KLHL23: variants seen among roughly 807,000 people sequenced by gnomAD.
KLHL23 encodes the protein kelch-like protein 23.
KLHL23 carries 33 observed loss-of-function variants against 48.9 expected under a neutral mutation model. The observed-to-expected ratio is 0.67, with a 90% CI of 0.51 to 0.90. The LOEUF is 0.90. Ranked by LOEUF, KLHL23 falls within the 40% of genes least tolerant of loss-of-function variation. The pLI is 0.00. For missense variants in KLHL23, 608 were observed against 669.6 expected (o/e 0.91, Z 1.02); for synonymous variants, 234 against 231.6 (o/e 1.01, Z -0.09).
At position 169,750,875 on chromosome 2, in the gene KLHL23, T is replaced by A. The variant is rs1688956415; in HGVS notation, c.*1143T>A. The stretch of plus-strand genomic sequence containing the variant: ...CTCTTTATTCTTAAATATAGATACA[T>A]GTCTGCATATATGATTGAATTTTAG... On this transcript the variant is annotated 3_prime_UTR_variant, in exon 4 of 4. Transcript: ENST00000392647. 6.6e-6 allele frequency: 1 copy of A among 152,230 alleles called. No homozygotes were observed. The highest frequency in any genetic ancestry group is 2.1e-4 in the South Asian group (1 of 4,830). The allele number at this position is 152,230 out of a possible 1,614,324, so 9.4% of individuals were successfully genotyped here.
intron 1 of KLHL23, among the ~76,000 whole-genome samples, chr2:169,734,312 A>C (rs972605275): frequency 6.1e-5 from 9 of 147,270 alleles, no homozygotes; most frequent in African/African-American, 2.2e-4. Context: ...CGCCGGGCAG[A>C]GGGACGCGGG....
intron 2 of KLHL23, chr2:169,740,970 A>G (rs541661763): frequency 6.5e-6 from 1 of 154,476 alleles, no homozygotes; most frequent in African/African-American, 2.4e-5. Flanking sequence ...AATAACAGGC[A>G]TAGAGCTATC....
intron 3 of KLHL23, 105 bp downstream of exon 3, chr2:169,741,642 A>G (rs1688678173): frequency 1.5e-6 from 2 of 1,347,648 alleles, no homozygotes; most frequent in Non-Finnish European, 2.0e-6. Flanking sequence ...TTTATTGTAG[A>G]CTACACATGG....
rs1419351892 is a variant in KLHL23 at position 169,735,179 on chromosome 2, A to G, written c.165A>G (p.Leu55=). 1 of 1,611,152 alleles carries G rather than the reference A, an allele frequency of 6.2e-7. No homozygotes were observed. The highest frequency in any genetic ancestry group is 1.3e-5 in the African/African-American group (1 of 74,756). Reference sequence around the variant, plus strand: ...TTTTCCATTGTCACCGAGCCGTTTTAGCTGCTTGCAGCAATTATTTTAAGG... The same window carrying G: ...TTTTCCATTGTCACCGAGCCGTTTTGGCTGCTTGCAGCAATTATTTTAAGG... ...GIIFHCHRAV[L]AACSNYFKAM... is the part of the protein sequence containing the mutation. Residue 55 remains leucine, a synonymous_variant, in exon 2 of 4, where the codon TTA becomes TTG. Transcript: ENST00000392647. The surrounding 1 kb of genome is among the most constrained non-coding windows in gnomAD (Gnocchi z 4.5).
In KLHL23 at chr2:169,738,850, T is replaced by C. The variant is rs1443622914; in HGVS notation, c.1214-2535T>C. 6.8e-3 allele frequency among the ~76,000 whole-genome samples: 13 copies of C among 1,922 alleles called. 2 individuals carry two copies. Among genetic ancestry groups the C allele is most frequent in the Non-Finnish European group, 8.1e-3 (9 of 1,118 alleles). 1.3% of individuals were successfully genotyped at this position (1,922 alleles called of 152,430 possible). A position where few individuals can be genotyped will look rare whatever the true frequency, so the allele number is the denominator to read the frequency against. On this transcript the variant is annotated intron_variant, in intron 2 of 3. Transcript: ENST00000392647. ...TTCCTCCCCCTCCTCCCCCTCCCCT[T>C]CCTCACCCTCCCCTCTCTTCCCCCT...
chr2:169,736,852 G>T (rs530691130), intron 2 of KLHL23, among the ~76,000 whole-genome samples: 1 of 152,188 alleles, frequency 6.6e-6, no homozygotes, highest in Non-Finnish European at 1.5e-5. Context: ...TGGTGCTGAG[G>T]AGTTGTACAA....
intron 2 of KLHL23, among the ~76,000 whole-genome samples, chr2:169,740,715 TG>T (rs1688653420): frequency 6.7e-6 from 1 of 148,208 alleles, no homozygotes; most frequent in South Asian, 2.1e-4. Context: ...CCCAAAGTGC[TG>T]GGATTACAGG....
chr2:169,741,722 G>T (rs1402183205), intron 3 of KLHL23, among the ~76,000 whole-genome samples, 185 bp downstream of exon 3: 1 of 152,126 alleles, frequency 6.6e-6, no homozygotes, highest in African/African-American at 2.4e-5. Context: ...TTCTGATTGG[G>T]TCACATCTAC....
chr2:169,749,983 ATACG>A lies in KLHL23; in HGVS notation c.*254_*257del, dbSNP rs1330425523. The A allele has an allele frequency of 1.3e-3, 95 of 73,702 alleles. 5 individuals are homozygous for A. Among genetic ancestry groups the A allele is most frequent in the African/African-American group, 3.7e-3 (53 of 14,332 alleles). The allele number at this position is 73,702 out of a possible 1,614,324, so 4.6% of individuals were successfully genotyped here. ...TATGTATACATATATATGTGTATATATACGTATGTATACATATATGTGTATATAT... is the reference window on the plus strand; with the variant it reads ...TATGTATACATATATATGTGTATATATATGTATACATATATGTGTATATAT... On this transcript the variant is annotated 3_prime_UTR_variant, in exon 4 of 4. Coordinates refer to ENST00000392647, the MANE Select transcript of KLHL23 (RefSeq NM_144711.6).
At chr2:169,736,806 G>T (rs1688530923) in intron 2 of KLHL23, among the ~76,000 whole-genome samples, 1 of 152,214 alleles carries the variant, frequency 6.6e-6, no homozygotes, top group Non-Finnish European at 1.5e-5. Flanking sequence ...TGGAAAAAAA[G>T]TTAAACGGGA....
At position 169,750,363 on chromosome 2, in the gene KLHL23, T is replaced by A. The variant is rs1460528660; in HGVS notation, c.*631T>A. The A allele has an allele frequency of 6.6e-6, 1 of 152,240 alleles. No homozygotes were observed. The highest frequency in any genetic ancestry group is 1.5e-5 in the Non-Finnish European group (1 of 67,978). The allele number at this position is 152,240 out of a possible 1,614,324, so 9.4% of individuals were successfully genotyped here. A position where few individuals can be genotyped will look rare whatever the true frequency, so the allele number is the denominator to read the frequency against. Reference sequence around the variant, plus strand: ...ATATAGTAGATAGTGCATATTAAGATGTCTGGCTGGGCATGGTGGCTCATG... The same window carrying A: ...ATATAGTAGATAGTGCATATTAAGAAGTCTGGCTGGGCATGGTGGCTCATG... On this transcript the variant is annotated 3_prime_UTR_variant, in exon 4 of 4. Transcript: ENST00000392647.
chr2:169,747,029 C>G (rs200527202), intron 3 of KLHL23, among the ~76,000 whole-genome samples: 5 of 151,892 alleles, frequency 3.3e-5, no homozygotes, highest in Non-Finnish European at 7.4e-5. Flanking sequence ...ATGTCAGTAA[C>G]GAGAAAAATA....
intron 3 of KLHL23, among the ~76,000 whole-genome samples, chr2:169,747,467 T>A (rs1401031174): frequency 5.2e-4 from 1 of 1,932 alleles, no homozygotes; most frequent in South Asian, 0.017. Context: ...GAAATCACTT[T>A]TTTTTTTTTT....
intron 2 of KLHL23, among the ~76,000 whole-genome samples, chr2:169,738,460 A>G (rs563489784): frequency 1.8e-4 from 27 of 152,216 alleles, no homozygotes; most frequent in African/African-American, 5.8e-4. Flanking sequence ...ATTTTTTTCA[A>G]TTCGTTTTAT....
chr2:169,741,363 T>C, intron 2 of KLHL23, 22 bp from the exon 3 acceptor site: 2 of 1,587,360 alleles, frequency 1.3e-6, no homozygotes, highest in Non-Finnish European at 1.7e-6. Flanking sequence ...AATCTAAAGA[T>C]GTGATTTTAA....
At chr2:169,747,563 A>G (rs188856720) in intron 3 of KLHL23, among the ~76,000 whole-genome samples, 2 of 150,268 alleles carry the variant, frequency 1.3e-5, no homozygotes, top group Non-Finnish European at 1.5e-5. Context: ...CAGCCTCCCC[A>G]GTAGCTAGGA....
At chr2:169,745,900 G>A (rs921630747) in intron 3 of KLHL23, among the ~76,000 whole-genome samples, 2 of 152,182 alleles carry the variant, frequency 1.3e-5, no homozygotes, top group African/African-American at 4.8e-5. Flanking sequence ...TGTCCAGCAG[G>A]CAAAGGGAAA....
chr2:169,745,513 CA>C (rs1157957265), intron 3 of KLHL23, among the ~76,000 whole-genome samples: 1,446 of 63,576 alleles, frequency 0.023, 10 homozygotes, highest in African/African-American at 0.1. Flanking sequence ...GACTCCGTCT[CA>C]AAAAAAAAAA....
At chr2:169,740,273 T>C in intron 2 of KLHL23, among the ~76,000 whole-genome samples, 1 of 150,288 alleles carries the variant, frequency 6.7e-6, no homozygotes, top group Non-Finnish European at 1.5e-5. Context: ...CTATCACACG[T>C]GGCTACTTTT....
Sources: gnomAD v4.1 joint callset for allele counts (sites outside exome capture counted in the v4.1 genomes callset) on GRCh38, gnomAD v4.1.1 for gene constraint, Gnocchi (gnomAD v3.1) non-coding constraint, MANE v1.5 for transcripts, NCBI Gene and HGNC (gene_info 2026-07-23, HGNC 2026-07-21) for gene names.